ZNF385D: variants seen among roughly 807,000 people sequenced by gnomAD.
The protein encoded by ZNF385D is zinc finger protein 385D.
ZNF385D carries 15 observed loss-of-function variants against 35.8 expected under a neutral mutation model. The ratio of observed to expected loss-of-function variants is 0.42; its 90% confidence interval spans 0.28 to 0.64. The LOEUF (loss-of-function observed/expected upper bound fraction) is 0.64, where lower values mean the gene tolerates loss of function less well. ZNF385D is among the 30% of genes least tolerant of loss of function. The pLI is 0.23. For missense variants in ZNF385D, 474 were observed against 494.6 expected (o/e 0.96, Z 0.39); for synonymous variants, 212 against 186.8 (o/e 1.13, Z -1.10).
rs377630725 is a variant in ZNF385D, at chr3:21,989,057, A to G, written c.325+179760T>C. Among the ~76,000 whole-genome samples, 59 of 151,826 alleles carry G rather than the reference A, an allele frequency of 3.9e-4. 1 individual carries two copies. In the East Asian group the frequency reaches 0.011, roughly 28 times the overall value. ...CACTGGCCTGTGCCCACTGTCTGGC[A>G]CTCCCTAGTGAGATGAACCCGGTAC... is the stretch of plus-strand genomic sequence containing the variant. On this transcript the variant is annotated intron_variant, in intron 3 of 5. Transcript: ENST00000494108.
chr3:21,971,031 T>C (rs35614066), intron 3 of ZNF385D, among the ~76,000 whole-genome samples: 37,825 of 151,972 alleles, frequency 0.25, 5,162 homozygotes, highest in East Asian at 0.32. Flanking sequence ...TGAGGGATTT[T>C]ATCAACACGA....
At chr3:21,800,462 C>T (rs1161609390) in intron 3 of ZNF385D, among the ~76,000 whole-genome samples, 2 of 152,020 alleles carry the variant, frequency 1.3e-5, no homozygotes, top group African/African-American at 2.4e-5. Context: ...AAAAGTTGAA[C>T]ATCTAGTAGG....
At chr3:21,818,691 G>T (rs1054565514) in intron 3 of ZNF385D, among the ~76,000 whole-genome samples, 28 of 152,008 alleles carry the variant, frequency 1.8e-4, no homozygotes, top group Non-Finnish European at 3.4e-4. Flanking sequence ...AATGAGAAAG[G>T]TAAAGAAATA....
At chr3:21,748,793 T>A (rs941434796) in intron 1 of ZNF385D, among the ~76,000 whole-genome samples, 1 of 152,222 alleles carries the variant, frequency 6.6e-6, no homozygotes, top group Non-Finnish European at 1.5e-5. Flanking sequence ...TGTACACATA[T>A]ATGTGTGTGC....
At chr3:21,723,568 A>G (rs1345482891) in intron 1 of ZNF385D, among the ~76,000 whole-genome samples, 2 of 152,250 alleles carry the variant, frequency 1.3e-5, no homozygotes, top group Non-Finnish European at 2.9e-5. Flanking sequence ...TTGAAGATCG[A>G]TTTAATGAAA....
chr3:22,256,095 T>C (rs1424973404), intron 2 of ZNF385D, among the ~76,000 whole-genome samples: 1 of 151,776 alleles, frequency 6.6e-6, no homozygotes, highest in Non-Finnish European at 1.5e-5. Context: ...GGATGCTTCC[T>C]GCCCTCCAAT....
intron 3 of ZNF385D, among the ~76,000 whole-genome samples, chr3:21,542,336 C>T (rs1229115617): frequency 1.7e-5 from 2 of 118,290 alleles, no homozygotes; most frequent in Admixed American, 1.1e-4. Context: ...CTGGGTTTTT[C>T]TTCTCTTTCT....
At chr3:21,460,319 A>T (rs536953224) in intron 4 of ZNF385D, among the ~76,000 whole-genome samples, 9 of 152,250 alleles carry the variant, frequency 5.9e-5, no homozygotes, top group Admixed American at 3.9e-4. Context: ...AGATTCCCTA[A>T]TCTAACTCTT....
intron 3 of ZNF385D, among the ~76,000 whole-genome samples, chr3:21,999,240 G>T (rs1296930852): frequency 1.3e-5 from 2 of 151,964 alleles, no homozygotes; most frequent in Admixed American, 6.6e-5. Context: ...ATTTCCTCAG[G>T]TTTTCACTGA....
chr3:22,172,533 A>T (rs1694530755), intron 2 of ZNF385D, among the ~76,000 whole-genome samples: 1 of 152,218 alleles, frequency 6.6e-6, no homozygotes, highest in Non-Finnish European at 1.5e-5. Context: ...CCAAAGGACC[A>T]GCTGTTGGTA....
intron 3 of ZNF385D, among the ~76,000 whole-genome samples, chr3:21,962,567 G>T (rs1702656370): frequency 6.6e-6 from 1 of 152,156 alleles, no homozygotes; most frequent in South Asian, 2.1e-4. Flanking sequence ...TCTTTTTTAA[G>T]AACATAAAAT....
At chr3:21,881,863 A>G (rs567903351) in intron 3 of ZNF385D, among the ~76,000 whole-genome samples, 38 of 152,140 alleles carry the variant, frequency 2.5e-4, no homozygotes, top group African/African-American at 8.9e-4. Flanking sequence ...ATGACTGAGC[A>G]CTTCAAGATT....
chr3:22,156,789 A>G (rs1286855934), intron 3 of ZNF385D, among the ~76,000 whole-genome samples: 6 of 152,210 alleles, frequency 3.9e-5, no homozygotes, highest in East Asian at 3.9e-4. Context: ...AACGCATACC[A>G]GGGAATCTGA....
chr3:21,865,469 T>C (rs1339318993), intron 3 of ZNF385D, among the ~76,000 whole-genome samples: 1 of 152,134 alleles, frequency 6.6e-6, no homozygotes, highest in South Asian at 2.1e-4. Flanking sequence ...TCCAGGGGGA[T>C]AGAGTATGTT....
chr3:21,920,675 T>C (rs1057129150), intron 3 of ZNF385D, among the ~76,000 whole-genome samples: 9 of 149,772 alleles, frequency 6.0e-5, no homozygotes, highest in Non-Finnish European at 1.3e-4. Context: ...TGCTCTAGGA[T>C]ACTATAATTT....
chr3:22,158,841 G>A (rs983851670), intron 3 of ZNF385D, among the ~76,000 whole-genome samples: 4 of 151,910 alleles, frequency 2.6e-5, no homozygotes, highest in East Asian at 1.9e-4. Context: ...TGTTAAGGGC[G>A]TAAATCAGGA....
intron 3 of ZNF385D, among the ~76,000 whole-genome samples, chr3:21,792,664 C>T (rs1238608079): frequency 1.3e-5 from 2 of 152,122 alleles, no homozygotes; most frequent in African/African-American, 4.8e-5. Flanking sequence ...AGGAGACTTG[C>T]ACACACAGCA....
intron 3 of ZNF385D, among the ~76,000 whole-genome samples, chr3:21,775,007 C>A (rs1053862096): frequency 1.1e-4 from 16 of 151,914 alleles, no homozygotes; most frequent in Admixed American, 1.0e-3. Flanking sequence ...AGTTAAAATA[C>A]TCCCACCAAC....
intron 3 of ZNF385D, among the ~76,000 whole-genome samples, chr3:21,938,349 G>T (rs551251599): frequency 5.3e-4 from 80 of 152,282 alleles, no homozygotes; most frequent in Non-Finnish European, 7.8e-4. Context: ...AAGTGTATCA[G>T]GTCCAAGCCT....
Sources: allele counts gnomAD v4.1 joint callset (sites outside exome capture counted in the v4.1 genomes callset), GRCh38; gene constraint gnomAD v4.1.1; transcripts MANE v1.5; gene names NCBI Gene and HGNC (gene_info 2026-07-23, HGNC 2026-07-21).